The following ADCY5 variants were observed in gnomAD, a reference collection of about 807,000 sequenced individuals.
ADCY5 encodes adenylate cyclase 5.
Under a neutral mutation model 119.7 loss-of-function variants are expected in ADCY5, and 30 were observed. The observed-to-expected ratio is 0.25, with a 90% CI of 0.19 to 0.34. The LOEUF (loss-of-function observed/expected upper bound fraction) is 0.34, where lower values mean the gene tolerates loss of function less well. Ranked by LOEUF, ADCY5 falls within the 10% of genes least tolerant of loss-of-function variation. ADCY5 has a pLI of 1.00. For missense variants in ADCY5, 1,324 were observed against 1,775.2 expected (o/e 0.75, Z 4.57); for synonymous variants, 753 against 762.2 (o/e 0.99, Z 0.20).
At chr3:123,348,449 G>A (rs377632110) in intron 2 of ADCY5, among the ~76,000 whole-genome samples, 1 of 152,124 alleles carries the variant, frequency 6.6e-6, no homozygotes, top group African/African-American at 2.4e-5. Flanking sequence ...GAAAGCTTCC[G>A]GTGTCATGGG....
At chr3:123,436,811 C>T (rs778232643) in intron 1 of ADCY5, among the ~76,000 whole-genome samples, 4 of 152,156 alleles carry the variant, frequency 2.6e-5, no homozygotes, top group Non-Finnish European at 5.9e-5. Flanking sequence ...TAAGCACATG[C>T]TATCAAATGG....
At chr3:123,443,423 G>T (rs958055302) in intron 1 of ADCY5, among the ~76,000 whole-genome samples, 17 of 152,090 alleles carry the variant, frequency 1.1e-4, no homozygotes, top group Non-Finnish European at 4.4e-5. Context: ...CCAGGCCCAC[G>T]TCCACCACCT....
In ADCY5 at chr3:123,385,632, C is replaced by T. The variant is rs529742539; in HGVS notation, c.1135-33051G>A. Among the ~76,000 whole-genome samples the T allele has an allele frequency of 1.4e-3, 207 of 152,152 alleles. 1 individual carries two copies. Among genetic ancestry groups the T allele is most frequent in the African/African-American group, 4.7e-3 (197 of 41,502 alleles). The stretch of plus-strand genomic sequence containing the variant: ...ACTCCTGCATGGGGACCCATCCAGC[C>T]GCAAGTTAGCTAGAAAAGCTGGAGT... On this transcript the variant is annotated intron_variant, in intron 1 of 20. Coordinates refer to ENST00000462833, the MANE Select transcript of ADCY5 (RefSeq NM_183357.3).
chr3:123,443,475 C>T (rs1945758218), intron 1 of ADCY5, among the ~76,000 whole-genome samples: 1 of 152,158 alleles, frequency 6.6e-6, no homozygotes, highest in African/African-American at 2.4e-5. Flanking sequence ...CACGTGCTCA[C>T]GTACACACAT....
In ADCY5 at chr3:123,296,324, C is replaced by T. The variant is rs549426827; in HGVS notation, c.2931-108G>A. On this transcript the variant is annotated intron_variant, in intron 16 of 20. Coordinates refer to ENST00000462833, the MANE Select transcript of ADCY5 (RefSeq NM_183357.3). ...GCCCTGTTTTCTTCCTCCCACTATA[C>T]CTTCCCCTCTTCCTTATCCCCCTGC... 5.1e-5 allele frequency: 65 copies of T among 1,269,144 alleles called. No individual in the cohort carries two copies. In the African/African-American group the frequency reaches 9.0e-4, roughly 18 times the overall value. The allele number at this position is 1,269,144 out of a possible 1,614,324, so 78.6% of individuals were successfully genotyped here. A position where few individuals can be genotyped will look rare whatever the true frequency, so the allele number is the denominator to read the frequency against.
At chr3:123,422,339 G>A (rs776961039) in intron 1 of ADCY5, among the ~76,000 whole-genome samples, 6 of 152,188 alleles carry the variant, frequency 3.9e-5, no homozygotes, top group African/African-American at 9.7e-5. Context: ...ACCTCCTCTC[G>A]GGCTGCCCAC....
intron 12 of ADCY5, among the ~76,000 whole-genome samples, chr3:123,305,179 G>A (rs1057189075): frequency 2.6e-5 from 4 of 152,148 alleles, no homozygotes; most frequent in African/African-American, 4.8e-5. Flanking sequence ...TACGGCTCTT[G>A]GGACCTTTGG....
intron 1 of ADCY5, among the ~76,000 whole-genome samples, chr3:123,396,231 CAAAG>C (rs906776200): frequency 8.4e-5 from 7 of 83,648 alleles, no homozygotes; most frequent in South Asian, 8.1e-4. Flanking sequence ...GAAAAAGAAA[CAAAG>C]AAAGAGAAAA....
At chr3:123,403,697 G>A (rs573490044) in intron 1 of ADCY5, among the ~76,000 whole-genome samples, 1 of 152,190 alleles carries the variant, frequency 6.6e-6, no homozygotes, top group Non-Finnish European at 1.5e-5. Flanking sequence ...AAAAACTCCT[G>A]GAGGGTCCCT....
chr3:123,295,958 T>C, intron 17 of ADCY5, 126 bp downstream of exon 17: 5 of 1,398,780 alleles, frequency 3.6e-6, no homozygotes, highest in South Asian at 2.8e-5. Flanking sequence ...CGATGGGGCC[T>C]GAGCAAGACA....
chr3:123,448,864 CGCGTCGAGCTCGACGA>C lies in ADCY5; in HGVS notation c.-335_-320del, dbSNP rs1945879964. 1 of 269,460 alleles carries C rather than the reference CGCGTCGAGCTCGACGA, an allele frequency of 3.7e-6. No individual in the cohort carries two copies. Among genetic ancestry groups the C allele is most frequent in the South Asian group, 1.7e-4 (1 of 5,924 alleles). The allele number at this position is 269,460 out of a possible 1,614,324, so 16.7% of individuals were successfully genotyped here. ...CGGAGAGACGTCCGGGATCCTGGCT[CGCGTCGAGCTCGACGA>C]GGGCCGGAGTTGCGGACGAGACGGG... On this transcript the variant is annotated 5_prime_UTR_variant, in exon 1 of 21. Transcript: ENST00000462833.
intron 4 of ADCY5, 96 bp from the exon 5 acceptor site, chr3:123,331,112 A>G (rs71330987): frequency 3.7e-4 from 516 of 1,402,386 alleles, no homozygotes; most frequent in Non-Finnish European, 4.6e-4. Context: ...CGTGCCTGGA[A>G]TAACTTGCCT....
At chr3:123,323,584 G>T (rs1418056022) in intron 8 of ADCY5, among the ~76,000 whole-genome samples, 2 of 151,152 alleles carry the variant, frequency 1.3e-5, no homozygotes, top group African/African-American at 4.9e-5. Flanking sequence ...CCTGCTCAAT[G>T]CCTCCTCTCT....
intron 1 of ADCY5, among the ~76,000 whole-genome samples, chr3:123,355,402 C>A (rs1943004627): frequency 6.6e-6 from 1 of 152,098 alleles, no homozygotes; most frequent in Admixed American, 6.5e-5. Flanking sequence ...TGGATCAAAA[C>A]CCTCCGATAT....
chr3:123,445,338 GGC>G (rs1945793805), intron 1 of ADCY5, among the ~76,000 whole-genome samples: 1 of 125,948 alleles, frequency 7.9e-6, no homozygotes. Flanking sequence ...GTGGAATTGG[GGC>G]CCCCCCCAAG....
chr3:123,396,159 A>C (rs1411746282), intron 1 of ADCY5, among the ~76,000 whole-genome samples: 1 of 142,248 alleles, frequency 7.0e-6, no homozygotes, highest in Non-Finnish European at 1.5e-5. Flanking sequence ...AAGGGAAGAA[A>C]AGAAAAGAGA....
At chr3:123,343,757 G>C (rs915738429) in intron 3 of ADCY5, among the ~76,000 whole-genome samples, 1 of 152,192 alleles carries the variant, frequency 6.6e-6, no homozygotes, top group South Asian at 2.1e-4. Flanking sequence ...GCTGCAGCAA[G>C]TGCTGGTATC....
intron 1 of ADCY5, among the ~76,000 whole-genome samples, chr3:123,385,601 C>T (rs976374826): frequency 1.3e-5 from 2 of 152,100 alleles, no homozygotes; most frequent in Admixed American, 6.5e-5. Flanking sequence ...CCCTCCAGCT[C>T]CCAGAACTCC....
intron 1 of ADCY5, among the ~76,000 whole-genome samples, chr3:123,427,447 GGTTTA>G (rs1399815480): frequency 1.3e-5 from 2 of 152,150 alleles, no homozygotes; most frequent in Admixed American, 1.3e-4. Context: ...CCTGGCCCCT[GGTTTA>G]GTCTCTTGCC....
Sources: gnomAD v4.1 joint callset for allele counts (sites outside exome capture counted in the v4.1 genomes callset) on GRCh38, gnomAD v4.1.1 for gene constraint, MANE v1.5 for transcripts, NCBI Gene and HGNC (gene_info 2026-07-23, HGNC 2026-07-21) for gene names.